Variants in PTPRD observed in about 807,000 individuals in gnomAD.
The protein encoded by PTPRD is protein tyrosine phosphatase receptor type D, also known as receptor-type tyrosine-protein phosphatase delta.
PTPRD carries 34 observed loss-of-function variants against 214.5 expected under a neutral mutation model. The ratio of observed to expected loss-of-function variants is 0.16; its 90% CI spans 0.12 to 0.21. The LOEUF is 0.21. PTPRD is among the 10% of genes least tolerant of loss of function. The pLI is 1.00. For synonymous variants in PTPRD, 1,128 were observed against 845.7 expected, an observed-to-expected ratio of 1.33 and a Z score of -5.79; for missense variants, 2,545 against 2,398.7, an observed-to-expected ratio of 1.06 and a Z score of -1.27.
At chr9:9,493,257 C>G (rs570178334) in intron 8 of PTPRD, among the ~76,000 whole-genome samples, 40 of 152,156 alleles carry the variant, frequency 2.6e-4, no homozygotes, top group African/African-American at 8.9e-4. Context: ...GCCTGTATGA[C>G]AACACATTTG....
At chr9:8,387,261 T>C (rs1020310230) in intron 37 of PTPRD, among the ~76,000 whole-genome samples, 5 of 152,162 alleles carry the variant, frequency 3.3e-5, no homozygotes, top group African/African-American at 9.7e-5. Context: ...GAAGGTAGCC[T>C]GCAACAGAAA....
At chr9:9,513,636 A>G (rs1162288526) in intron 8 of PTPRD, among the ~76,000 whole-genome samples, 2 of 151,898 alleles carry the variant, frequency 1.3e-5, no homozygotes, top group Non-Finnish European at 2.9e-5. Context: ...CAATATTCAC[A>G]CTTTCCTGAA....
chr9:8,342,655 CCTGTCAT>C (rs1853595528), intron 39 of PTPRD, among the ~76,000 whole-genome samples: 1 of 152,044 alleles, frequency 6.6e-6, no homozygotes, highest in African/African-American at 2.4e-5. Flanking sequence ...TGCTATGTTT[CCTGTCAT>C]CTGTGTATCT....
At chr9:8,619,268 A>G (rs563603177) in intron 14 of PTPRD, among the ~76,000 whole-genome samples, 1 of 152,084 alleles carries the variant, frequency 6.6e-6, no homozygotes, top group East Asian at 1.9e-4. Context: ...AACTATAGTC[A>G]CCATGTTCTA....
chr9:10,071,702 T>C (rs770974733), intron 3 of PTPRD, among the ~76,000 whole-genome samples: 2 of 151,862 alleles, frequency 1.3e-5, no homozygotes, highest in Admixed American at 1.3e-4. Flanking sequence ...TGAGAAAAAT[T>C]TATGTGACTT....
intron 3 of PTPRD, among the ~76,000 whole-genome samples, chr9:10,282,565 G>A (rs1010198294): frequency 6.6e-6 from 1 of 152,072 alleles, no homozygotes; most frequent in Non-Finnish European, 1.5e-5. Flanking sequence ...TTATGTAGCA[G>A]ATAAATTACC....
At chr9:9,921,982 C>T (rs952155492) in intron 5 of PTPRD, among the ~76,000 whole-genome samples, 8 of 152,070 alleles carry the variant, frequency 5.3e-5, no homozygotes, top group African/African-American at 1.9e-4. Flanking sequence ...TAAAGTCATA[C>T]ACTTAATCCC....
intron 9 of PTPRD, among the ~76,000 whole-genome samples, chr9:9,338,867 G>A (rs1272524569): frequency 6.6e-6 from 1 of 151,834 alleles, no homozygotes; most frequent in Non-Finnish European, 1.5e-5. Context: ...GACAGGCCCT[G>A]GTGTGTGATA....
At chr9:9,837,607 C>T (rs892410981) in intron 5 of PTPRD, among the ~76,000 whole-genome samples, 6 of 152,012 alleles carry the variant, frequency 3.9e-5, no homozygotes, top group East Asian at 3.9e-4. Context: ...GACCTAGTTT[C>T]TTGGGGAAAT....
At chr9:9,061,395 C>T (rs774156166) in intron 10 of PTPRD, among the ~76,000 whole-genome samples, 2 of 152,164 alleles carry the variant, frequency 1.3e-5, no homozygotes, top group Non-Finnish European at 2.9e-5. Context: ...TAGAATCTTG[C>T]TTAAAACTAA....
At chr9:8,675,455 G>A (rs1216914690) in intron 12 of PTPRD, among the ~76,000 whole-genome samples, 2 of 132,638 alleles carry the variant, frequency 1.5e-5, no homozygotes, top group Non-Finnish European at 3.1e-5. Flanking sequence ...CTAAATCTAT[G>A]TAATCCTGTA....
intron 36 of PTPRD, among the ~76,000 whole-genome samples, chr9:8,393,554 C>G (rs891333931): frequency 1.3e-5 from 2 of 152,120 alleles, no homozygotes; most frequent in African/African-American, 4.8e-5. Context: ...TGCAGGAACT[C>G]TCTTGGAGTC....
At chr9:10,407,936 T>C (rs538768983) in intron 2 of PTPRD, among the ~76,000 whole-genome samples, 1 of 151,718 alleles carries the variant, frequency 6.6e-6, no homozygotes, top group Admixed American at 6.6e-5. Context: ...GGGAAACTTT[T>C]GGAAGAAGGC....
chr9:9,482,498 C>A (rs1231822398), intron 8 of PTPRD, among the ~76,000 whole-genome samples: 2 of 152,150 alleles, frequency 1.3e-5, no homozygotes, highest in Admixed American at 6.5e-5. Context: ...TCTTTTCTTT[C>A]ATTGTCCAGA....
intron 11 of PTPRD, among the ~76,000 whole-genome samples, chr9:8,801,611 G>A (rs1365713375): frequency 2.0e-5 from 3 of 152,198 alleles, no homozygotes; most frequent in Admixed American, 2.0e-4. Flanking sequence ...AGCTCCTCAG[G>A]AGGCTGAGTC....
intron 22 of PTPRD, among the ~76,000 whole-genome samples, chr9:8,505,758 T>G (rs1473783689): frequency 6.6e-6 from 1 of 150,584 alleles, no homozygotes; most frequent in East Asian, 1.9e-4. Flanking sequence ...AAGTAAGAAA[T>G]AAAGAAATTC....
At chr9:9,990,261 T>C (rs889571750) in intron 4 of PTPRD, among the ~76,000 whole-genome samples, 12 of 152,216 alleles carry the variant, frequency 7.9e-5, no homozygotes, top group African/African-American at 2.4e-4. Context: ...TCTTCTCTCA[T>C]GGTTTGAAAT....
intron 7 of PTPRD, among the ~76,000 whole-genome samples, chr9:9,597,068 C>T (rs1354273040): frequency 1.3e-5 from 2 of 151,924 alleles, no homozygotes; most frequent in African/African-American, 4.8e-5. Context: ...AAGAAGTTCC[C>T]AGTAGTCATT....
chr9:9,882,578 G>A (rs564030332), intron 5 of PTPRD, among the ~76,000 whole-genome samples: 1 of 152,178 alleles, frequency 6.6e-6, no homozygotes, highest in African/African-American at 2.4e-5. Flanking sequence ...AAAGAATGAG[G>A]TTTTTCTTGG....
Sources: gnomAD v4.1 joint callset for allele counts (sites outside exome capture counted in the v4.1 genomes callset) on GRCh38, gnomAD v4.1.1 for gene constraint, MANE v1.5 for transcripts, NCBI Gene and HGNC (gene_info 2026-07-23, HGNC 2026-07-21) for gene names.